Variants in CDKAL1 observed in about 807,000 individuals in gnomAD.
The protein encoded by CDKAL1 is CDKAL1 threonylcarbamoyladenosine tRNA methylthiotransferase.
Under a neutral mutation model 68.2 loss-of-function variants are expected in CDKAL1, and 32 were observed. The ratio of observed to expected loss-of-function variants is 0.47; its 90% CI spans 0.35 to 0.63. CDKAL1 has a LOEUF of 0.63. CDKAL1 is among the 30% of genes least tolerant of loss of function. CDKAL1 has a pLI of 0.00. For synonymous variants in CDKAL1, 234 were observed against 244.3 expected (o/e 0.96, Z 0.39); for missense variants, 606 against 696.7 (o/e 0.87, Z 1.47).
intron 13 of CDKAL1, among the ~76,000 whole-genome samples, chr6:21,131,870 C>T (rs1775338571): frequency 6.6e-6 from 1 of 152,168 alleles, no homozygotes. Flanking sequence ...TCCAAAGAGA[C>T]CACTTTGTGA....
intron 11 of CDKAL1, among the ~76,000 whole-genome samples, chr6:21,048,950 GAA>G (rs760056472): frequency 6.6e-6 from 1 of 151,026 alleles, no homozygotes. Flanking sequence ...AAGCAAGAGA[GAA>G]AAGTTGATTA....
chr6:21,170,497 T>C (rs1012807511), intron 13 of CDKAL1, among the ~76,000 whole-genome samples: 8 of 152,074 alleles, frequency 5.3e-5, no homozygotes. Flanking sequence ...GCCCAGCTAA[T>C]CTTTGTATTT....
At chr6:20,806,999 A>T (rs1776599707) in intron 8 of CDKAL1, among the ~76,000 whole-genome samples, 1 of 152,178 alleles carries the variant, frequency 6.6e-6, no homozygotes, top group African/African-American at 2.4e-5. Context: ...GTCACTAGAT[A>T]CTGATGAAAG....
At chr6:20,973,967 G>A (rs1051347282) in intron 10 of CDKAL1, among the ~76,000 whole-genome samples, 3 of 152,170 alleles carry the variant, frequency 2.0e-5, no homozygotes, top group Non-Finnish European at 4.4e-5. Context: ...TGTTGTAGAC[G>A]ATATATAACT....
chr6:20,886,372 C>CA (rs1289523926), intron 9 of CDKAL1, among the ~76,000 whole-genome samples: 1 of 152,124 alleles, frequency 6.6e-6, no homozygotes, highest in African/African-American at 2.4e-5. Context: ...TATGACCCAG[C>CA]AATTTCTCTC....
intron 11 of CDKAL1, among the ~76,000 whole-genome samples, chr6:21,013,043 T>G (rs780681737): frequency 2.0e-5 from 3 of 152,192 alleles, no homozygotes; most frequent in Non-Finnish European, 4.4e-5. Flanking sequence ...CCTTCTTCCC[T>G]ACTCTGAACT....
intron 9 of CDKAL1, among the ~76,000 whole-genome samples, chr6:20,911,323 C>G (rs553462678): frequency 1.3e-5 from 2 of 152,302 alleles, no homozygotes; most frequent in African/African-American, 4.8e-5. Context: ...GCACTGTTTT[C>G]TATACTTCTA....
At chr6:20,701,808 T>A (rs1771375268) in intron 5 of CDKAL1, among the ~76,000 whole-genome samples, 1 of 152,200 alleles carries the variant, frequency 6.6e-6, no homozygotes, top group African/African-American at 2.4e-5. Context: ...TCTACCCATT[T>A]GTATGTGTAG....
chr6:20,590,337 AT>A (rs1381839127), intron 4 of CDKAL1, among the ~76,000 whole-genome samples: 4 of 151,960 alleles, frequency 2.6e-5, no homozygotes, highest in African/African-American at 7.3e-5. Context: ...CCATAATTTT[AT>A]TTTTTTGTTT....
At chr6:20,570,450 G>C (rs1352426109) in intron 4 of CDKAL1, among the ~76,000 whole-genome samples, 1 of 151,556 alleles carries the variant, frequency 6.6e-6, no homozygotes, top group Non-Finnish European at 1.5e-5. Flanking sequence ...GCCTAGGCTG[G>C]AGTGCAGTGG....
At chr6:21,160,713 T>A (rs186292802) in intron 13 of CDKAL1, among the ~76,000 whole-genome samples, 2 of 147,482 alleles carry the variant, frequency 1.4e-5, no homozygotes, top group Non-Finnish European at 3.0e-5. Flanking sequence ...GTATATATAT[T>A]TTTTAACTTT....
chr6:20,893,628 C>T (rs1419241985), intron 9 of CDKAL1, among the ~76,000 whole-genome samples: 1 of 152,154 alleles, frequency 6.6e-6, no homozygotes, highest in Non-Finnish European at 1.5e-5. Context: ...TGGTTACATA[C>T]TTCTGTAGTC....
At chr6:20,734,680 A>G (rs191912792) in intron 5 of CDKAL1, among the ~76,000 whole-genome samples, 13 of 152,260 alleles carry the variant, frequency 8.5e-5, no homozygotes, top group African/African-American at 3.1e-4. Flanking sequence ...CTTAGATTAT[A>G]GTTCTGGTCT....
intron 10 of CDKAL1, among the ~76,000 whole-genome samples, chr6:20,969,578 G>C (rs1170296344): frequency 6.6e-6 from 1 of 152,162 alleles, no homozygotes; most frequent in African/African-American, 2.4e-5. Flanking sequence ...TGTCATGTGT[G>C]ACCAGTGAAA....
At chr6:20,879,110 A>G (rs1460802617) in intron 9 of CDKAL1, among the ~76,000 whole-genome samples, 1 of 152,048 alleles carries the variant, frequency 6.6e-6, no homozygotes, top group Non-Finnish European at 1.5e-5. Flanking sequence ...TAATAAATAA[A>G]TAAAAGAAGT....
At chr6:20,993,684 C>T (rs1454511057) in intron 10 of CDKAL1, 5 of 152,172 alleles carry the variant, frequency 3.3e-5, no homozygotes, top group East Asian at 1.9e-4. Flanking sequence ...CTTTTAAAAA[C>T]GTATCCATAC....
intron 7 of CDKAL1, among the ~76,000 whole-genome samples, chr6:20,772,508 T>TA (rs1297348151): frequency 2.0e-5 from 3 of 152,216 alleles, no homozygotes; most frequent in African/African-American, 7.2e-5. Flanking sequence ...ATTAAATACT[T>TA]ACTGTAATTT....
intron 8 of CDKAL1, among the ~76,000 whole-genome samples, chr6:20,835,136 G>C (rs549825702): frequency 1.3e-5 from 2 of 152,282 alleles, no homozygotes; most frequent in South Asian, 4.1e-4. Context: ...AGGGTTTAGA[G>C]GGAGAGGTGA....
chr6:20,979,655 C>T (rs1336573902), intron 10 of CDKAL1, among the ~76,000 whole-genome samples: 2 of 151,962 alleles, frequency 1.3e-5, no homozygotes, highest in African/African-American at 2.4e-5. Context: ...GAGCGGAGTG[C>T]GGCCGACGAA....
Sources: gnomAD v4.1 joint callset for allele counts (sites outside exome capture counted in the v4.1 genomes callset) on GRCh38, gnomAD v4.1.1 for gene constraint, MANE v1.5 for transcripts, NCBI Gene and HGNC (gene_info 2026-07-23, HGNC 2026-07-21) for gene names.